RBFOX1: variants seen among roughly 807,000 people sequenced by gnomAD.
RBFOX1 encodes RNA binding fox-1 homolog 1.
Under a neutral mutation model 57.7 loss-of-function variants are expected in RBFOX1, and 8 were observed. The observed-to-expected ratio is 0.14, with a 90% CI of 0.08 to 0.25. The LOEUF (loss-of-function observed/expected upper bound fraction) is 0.25, where lower values mean the gene tolerates loss of function less well. RBFOX1 is among the 10% of genes least tolerant of loss of function. The pLI, the probability that RBFOX1 is intolerant of heterozygous loss-of-function variation, is 1.00. For synonymous variants in RBFOX1, 326 were observed against 222.4 expected (o/e 1.47, Z -4.15); for missense variants, 611 against 548.5 (o/e 1.11, Z -1.14).
chr16:6,171,174 C>G (rs759297696), intron 1 of RBFOX1, among the ~76,000 whole-genome samples: 4 of 152,102 alleles, frequency 2.6e-5, no homozygotes, highest in Non-Finnish European at 4.4e-5. Context: ...CTCTTCTTCC[C>G]TCTCTCCTTC....
chr16:6,474,784 A>G (rs1267218597), intron 2 of RBFOX1, among the ~76,000 whole-genome samples: 1 of 152,206 alleles, frequency 6.6e-6, no homozygotes, highest in Non-Finnish European at 1.5e-5. Flanking sequence ...CTGGTTCCTT[A>G]GATCTAAAAA....
At chr16:6,281,879 G>A (rs974150616) in intron 1 of RBFOX1, among the ~76,000 whole-genome samples, 1 of 152,068 alleles carries the variant, frequency 6.6e-6, no homozygotes, top group African/African-American at 2.4e-5. Context: ...TTGGAACCCA[G>A]GCAATTTGAC....
At chr16:7,266,977 G>C (rs2095167771) in intron 4 of RBFOX1, among the ~76,000 whole-genome samples, 1 of 152,082 alleles carries the variant, frequency 6.6e-6, no homozygotes, top group African/African-American at 2.4e-5. Flanking sequence ...AAGGGCCACT[G>C]AGACCAAAAA....
intron 3 of RBFOX1, among the ~76,000 whole-genome samples, chr16:6,880,219 A>G (rs905380627): frequency 7.7e-6 from 1 of 130,348 alleles, no homozygotes; most frequent in Non-Finnish European, 1.7e-5. Context: ...AAAATTTTCC[A>G]CCGGGGGGTA....
chr16:7,436,980 C>T (rs949760982), intron 4 of RBFOX1, among the ~76,000 whole-genome samples: 1 of 152,140 alleles, frequency 6.6e-6, no homozygotes, highest in Admixed American at 6.5e-5. Flanking sequence ...ACTCAGGAAG[C>T]TGAGGTAGGA....
At chr16:7,470,303 T>G (rs1181626462) in intron 4 of RBFOX1, among the ~76,000 whole-genome samples, 1 of 152,228 alleles carries the variant, frequency 6.6e-6, no homozygotes, top group African/African-American at 2.4e-5. Context: ...AGTAAGTTGT[T>G]CACCATTGTT....
intron 14 of RBFOX1, among the ~76,000 whole-genome samples, chr16:7,689,182 C>T (rs962182407): frequency 1.1e-4 from 16 of 152,088 alleles, no homozygotes; most frequent in Non-Finnish European, 1.9e-4. Flanking sequence ...AGATAGTAGC[C>T]GTTGCAATCA....
At chr16:6,595,616 A>AT (rs1314476280) in intron 2 of RBFOX1, among the ~76,000 whole-genome samples, 1 of 152,146 alleles carries the variant, frequency 6.6e-6, no homozygotes, top group Admixed American at 6.5e-5. Context: ...TATTTTTAAC[A>AT]TTTTGAGGAA....
intron 3 of RBFOX1, among the ~76,000 whole-genome samples, chr16:6,901,336 C>T (rs150770046): frequency 1.4e-3 from 210 of 152,296 alleles, no homozygotes; most frequent in African/African-American, 4.6e-3. Flanking sequence ...ACAGAAGTTT[C>T]AACCTGGAAA....
At chr16:5,772,203 A>G (rs1043748699) in intron 3 of RBFOX1, among the ~76,000 whole-genome samples, 12 of 152,162 alleles carry the variant, frequency 7.9e-5, no homozygotes, top group Admixed American at 5.9e-4. Context: ...AGTTTATAGA[A>G]TAACAATAGT....
At chr16:5,665,401 G>A (rs571807572) in intron 3 of RBFOX1, among the ~76,000 whole-genome samples, 3 of 119,366 alleles carry the variant, frequency 2.5e-5, no homozygotes, top group Admixed American at 8.0e-5. Context: ...CCTCCTTCCT[G>A]ATAAAAGTAG....
intron 4 of RBFOX1, among the ~76,000 whole-genome samples, chr16:7,173,788 G>A (rs1025650648): frequency 6.6e-6 from 1 of 152,176 alleles, no homozygotes; most frequent in African/African-American, 2.4e-5. Flanking sequence ...ATCATAAATT[G>A]AATAGTAATA....
rs559284006 is a variant in RBFOX1, at chr16:7,304,699, C to T, written c.28-213448C>T. ...TGCACCTGTCCGAATACTTTAAAAC[C>T]GCCTGATGCCCAGCCTGGGCACCGG... is the stretch of plus-strand genomic sequence containing the variant. On this transcript the variant is annotated intron_variant, in intron 4 of 15. Coordinates refer to ENST00000550418, the MANE Select transcript of RBFOX1 (RefSeq NM_018723.4). 5.3e-5 allele frequency among the ~76,000 whole-genome samples: 8 copies of T among 152,272 alleles called. No homozygotes were observed. The South Asian group carries it at 8.3e-4, about 16-fold the overall frequency.
At chr16:6,889,044 A>C (rs562565043) in intron 3 of RBFOX1, among the ~76,000 whole-genome samples, 21 of 152,262 alleles carry the variant, frequency 1.4e-4, no homozygotes, top group Admixed American at 5.2e-4. Context: ...TGTGTTCTCA[A>C]ATTTGATTGT....
chr16:7,000,359 T>C (rs2092674003), intron 3 of RBFOX1, among the ~76,000 whole-genome samples: 1 of 152,092 alleles, frequency 6.6e-6, no homozygotes, highest in African/African-American at 2.4e-5. Context: ...CTCAAGTTTC[T>C]TTTATTAAAC....
At chr16:5,913,226 C>T (rs1305907705) in intron 4 of RBFOX1, among the ~76,000 whole-genome samples, 1 of 152,206 alleles carries the variant, frequency 6.6e-6, no homozygotes, top group Admixed American at 6.5e-5. Context: ...TCTTATTTAT[C>T]CCACGGTTAT....
intron 2 of RBFOX1, among the ~76,000 whole-genome samples, chr16:6,385,823 C>T (rs2092230493): frequency 6.6e-6 from 1 of 152,196 alleles, no homozygotes; most frequent in African/African-American, 2.4e-5. Flanking sequence ...ATTCTAGTAC[C>T]AGGGAGCTGA....
At chr16:7,457,693 T>G (rs1381239140) in intron 4 of RBFOX1, among the ~76,000 whole-genome samples, 1 of 152,124 alleles carries the variant, frequency 6.6e-6, no homozygotes, top group East Asian at 1.9e-4. Context: ...GCCCTCATAT[T>G]TTCAGCCTAA....
At chr16:6,149,194 G>A (rs1038743581) in intron 1 of RBFOX1, among the ~76,000 whole-genome samples, 1 of 152,222 alleles carries the variant, frequency 6.6e-6, no homozygotes, top group Admixed American at 6.5e-5. Flanking sequence ...AATCAATTAA[G>A]TTCTTTGTGT....
Sources: gnomAD v4.1 joint callset for allele counts (sites outside exome capture counted in the v4.1 genomes callset) on GRCh38, gnomAD v4.1.1 for gene constraint, MANE v1.5 for transcripts, NCBI Gene and HGNC (gene_info 2026-07-23, HGNC 2026-07-21) for gene names.